MARCHF1: variants seen among roughly 807,000 people sequenced by gnomAD.
MARCHF1 encodes E3 ubiquitin-protein ligase MARCHF1.
A neutral mutation model predicts 54.2 loss-of-function variants in MARCHF1; 40 were observed. The ratio of observed to expected loss-of-function variants is 0.74; its 90% CI spans 0.57 to 0.96. The LOEUF (loss-of-function observed/expected upper bound fraction) is 0.96. Among genes scored for constraint, MARCHF1 ranks in the 40% least tolerant of loss-of-function variants. MARCHF1 has a pLI of 0.00. For missense variants in MARCHF1, 586 were observed against 656.5 expected, an observed-to-expected ratio of 0.89 and a Z score of 1.17; for synonymous variants, 236 against 236.3, an observed-to-expected ratio of 1.00 and a Z score of 0.01.
At chr4:163,800,227 C>T (rs1035878798) in intron 4 of MARCHF1, among the ~76,000 whole-genome samples, 1 of 151,884 alleles carries the variant, frequency 6.6e-6, no homozygotes, top group Admixed American at 6.6e-5. Context: ...CAGCATCACA[C>T]AATATAGCCA....
chr4:163,691,185 G>A lies in MARCHF1; in HGVS notation c.162+9628C>T, dbSNP rs958755294. Reference sequence around the variant, plus strand: ...GGCTATCGAATTGTTGTATCAGGCCGGCAGCATCTGGCTGGTAGGCTATGT... The same window carrying A: ...GGCTATCGAATTGTTGTATCAGGCCAGCAGCATCTGGCTGGTAGGCTATGT... On this transcript the variant is annotated intron_variant, in intron 5 of 9. Transcript: ENST00000514618. 4.6e-5 allele frequency among the ~76,000 whole-genome samples: 7 copies of A among 152,252 alleles called. 1 individual carries two copies. The highest frequency in any genetic ancestry group is 2.1e-4 in the South Asian group (1 of 4,822).
At chr4:164,053,332 A>G (rs139053111) in intron 2 of MARCHF1, among the ~76,000 whole-genome samples, 9 of 152,302 alleles carry the variant, frequency 5.9e-5, no homozygotes, top group African/African-American at 1.9e-4. Flanking sequence ...ATGTTGTTTC[A>G]TATGTGTCAA....
At chr4:163,941,724 C>T (rs529588054) in intron 3 of MARCHF1, among the ~76,000 whole-genome samples, 37 of 152,228 alleles carry the variant, frequency 2.4e-4, no homozygotes, top group African/African-American at 8.2e-4. Flanking sequence ...CCCAAGTTTT[C>T]TCATTCGTCA....
In MARCHF1 at chr4:164,382,137, T is replaced by C. The variant is rs182606120; in HGVS notation, c.-323+1733A>G. 3.4e-3 allele frequency among the ~76,000 whole-genome samples: 522 copies of C among 152,338 alleles called. 15 individuals are homozygous for C. Among genetic ancestry groups the C allele is most frequent in the Admixed American group, 0.032 (486 of 15,298 alleles). On this transcript the variant is annotated intron_variant, in intron 1 of 9. Coordinates refer to ENST00000514618, the MANE Select transcript of MARCHF1 (RefSeq NM_001394959.1). ...TGATAGTCCCACCATTCATATTTAG[T>C]AAAGCCTCCCTGTATTATCTCACCC...
At chr4:164,158,905 A>G (rs986663423) in intron 1 of MARCHF1, among the ~76,000 whole-genome samples, 1 of 152,182 alleles carries the variant, frequency 6.6e-6, no homozygotes, top group Non-Finnish European at 1.5e-5. Flanking sequence ...TTCGAGAATC[A>G]TCCTCCTCCT....
At chr4:164,075,103 T>C (rs1401688975) in intron 2 of MARCHF1, among the ~76,000 whole-genome samples, 1 of 152,158 alleles carries the variant, frequency 6.6e-6, no homozygotes, top group African/African-American at 2.4e-5. Context: ...AAGCAGCCTC[T>C]GTTATCTCAG....
At chr4:164,282,184 C>G (rs1224002952) in intron 1 of MARCHF1, among the ~76,000 whole-genome samples, 1 of 150,830 alleles carries the variant, frequency 6.6e-6, no homozygotes, top group Non-Finnish European at 1.5e-5. Context: ...CTGCCCTCAA[C>G]TACTACTTCT....
intron 5 of MARCHF1, among the ~76,000 whole-genome samples, chr4:163,633,650 G>C (rs1228350095): frequency 6.6e-6 from 1 of 152,134 alleles, no homozygotes; most frequent in African/African-American, 2.4e-5. Flanking sequence ...GGGGAGAATG[G>C]AACCAAGTTG....
chr4:164,336,821 C>A (rs1002571046), intron 1 of MARCHF1, among the ~76,000 whole-genome samples: 1 of 152,170 alleles, frequency 6.6e-6, no homozygotes, highest in Non-Finnish European at 1.5e-5. Context: ...TGTACAAAAA[C>A]CTTTCTCTCC....
At chr4:163,930,589 T>C (rs28377584) in intron 3 of MARCHF1, among the ~76,000 whole-genome samples, 3,618 of 151,996 alleles carry the variant, frequency 0.024, 162 homozygotes, top group East Asian at 0.19. Context: ...GAAGTGTTTG[T>C]CTATCCAATG....
At chr4:164,068,308 C>A (rs936341487) in intron 2 of MARCHF1, among the ~76,000 whole-genome samples, 1 of 152,144 alleles carries the variant, frequency 6.6e-6, no homozygotes, top group African/African-American at 2.4e-5. Flanking sequence ...CTTGAGGAGC[C>A]CTTCAGCCCA....
At chr4:164,119,661 A>T (rs1416641853) in intron 1 of MARCHF1, among the ~76,000 whole-genome samples, 2 of 150,856 alleles carry the variant, frequency 1.3e-5, no homozygotes, top group Non-Finnish European at 2.9e-5. Context: ...AAAGTGGAAT[A>T]ACTTTTGAAT....
intron 2 of MARCHF1, among the ~76,000 whole-genome samples, chr4:164,038,159 AC>A (rs1422295429): frequency 6.6e-6 from 1 of 152,192 alleles, no homozygotes; most frequent in Non-Finnish European, 1.5e-5. Context: ...TTTTCTTACA[AC>A]TGCACACAAA....
At chr4:164,285,930 A>C (rs2111351379) in intron 1 of MARCHF1, among the ~76,000 whole-genome samples, 1 of 152,232 alleles carries the variant, frequency 6.6e-6, no homozygotes, top group Admixed American at 6.5e-5. Context: ...TCTCATAAAA[A>C]AATTATGATC....
chr4:163,885,571 C>A (rs1047226574), intron 3 of MARCHF1, among the ~76,000 whole-genome samples: 8 of 152,092 alleles, frequency 5.3e-5, no homozygotes, highest in African/African-American at 1.9e-4. Context: ...TGTCCTCTAT[C>A]ATCAGCAGTG....
At chr4:163,868,018 G>T (rs1750091734) in intron 3 of MARCHF1, among the ~76,000 whole-genome samples, 1 of 151,816 alleles carries the variant, frequency 6.6e-6, no homozygotes, top group African/African-American at 2.4e-5. Flanking sequence ...TTGGTAGTTT[G>T]TTTATTCCAT....
intron 4 of MARCHF1, among the ~76,000 whole-genome samples, chr4:163,801,464 A>G (rs547815826): frequency 6.6e-6 from 1 of 152,198 alleles, no homozygotes; most frequent in East Asian, 1.9e-4. Context: ...AGAAGACACT[A>G]TGTCTAAATA....
intron 4 of MARCHF1, among the ~76,000 whole-genome samples, chr4:163,781,168 C>T (rs532001633): frequency 3.3e-5 from 5 of 152,020 alleles, no homozygotes; most frequent in East Asian, 1.9e-4. Flanking sequence ...CTGGCCAACA[C>T]GATGAAACCC....
At chr4:163,547,811 A>G (rs1454288873) in intron 8 of MARCHF1, among the ~76,000 whole-genome samples, 1 of 152,206 alleles carries the variant, frequency 6.6e-6, no homozygotes, top group African/African-American at 2.4e-5. Flanking sequence ...TTTATTTACA[A>G]ACACCATCCC....
Sources: allele counts gnomAD v4.1 joint callset (sites outside exome capture counted in the v4.1 genomes callset), GRCh38; gene constraint gnomAD v4.1.1; transcripts MANE v1.5; gene names NCBI Gene and HGNC (gene_info 2026-07-23, HGNC 2026-07-21).